NCOA7: variants seen among roughly 807,000 people sequenced by gnomAD.
NCOA7 encodes the protein 140 kDa estrogen receptor-associated protein.
NCOA7 carries 45 observed loss-of-function variants against 104.3 expected under a neutral mutation model. The observed-to-expected ratio is 0.43, with a 90% CI of 0.34 to 0.55. The LOEUF (loss-of-function observed/expected upper bound fraction) is 0.55. NCOA7 is among the 20% of genes least tolerant of loss of function. The probability of loss-of-function intolerance (pLI) is 0.02; values close to 1 mark genes in which losing one functional copy is unlikely to be tolerated. For missense variants in NCOA7, 1,041 were observed against 1,119.7 expected, an observed-to-expected ratio of 0.93 and a Z score of 1.00; for synonymous variants, 398 against 402.3, an observed-to-expected ratio of 0.99 and a Z score of 0.13.
intron 1 of NCOA7, among the ~76,000 whole-genome samples, chr6:125,806,208 G>A (rs1006690907): frequency 1.3e-5 from 2 of 152,130 alleles, no homozygotes. Flanking sequence ...GGGCATGGTG[G>A]CAGGTGCCTA....
At chr6:125,786,418 A>T (rs114385133), upstream of NCOA7, among the ~76,000 whole-genome samples, 1 of 152,148 alleles carries the variant, frequency 6.6e-6, no homozygotes, top group African/African-American at 2.4e-5. Context: ...TTGAAACTAC[A>T]CTCAAAACTT....
intron 2 of NCOA7, among the ~76,000 whole-genome samples, chr6:125,832,334 G>A (rs567926909): frequency 6.6e-6 from 1 of 152,216 alleles, no homozygotes; most frequent in South Asian, 2.1e-4. Context: ...CATTTTGTGC[G>A]CTAAACCTGC....
intron 2 of NCOA7, among the ~76,000 whole-genome samples, chr6:125,830,642 G>A (rs1314506449): frequency 6.6e-6 from 1 of 151,984 alleles, no homozygotes; most frequent in Non-Finnish European, 1.5e-5. Flanking sequence ...GAGAAGTCAA[G>A]GCTGCAGTGA....
intron 2 of NCOA7, 99 bp downstream of exon 2, chr6:125,815,503 G>A: frequency 1.0e-6 from 1 of 975,568 alleles, no homozygotes; most frequent in East Asian, 2.5e-5. Flanking sequence ...TTTTGTGCTT[G>A]TTCATAAATA....
At chr6:125,837,156 G>T (rs1351034057) in intron 2 of NCOA7, among the ~76,000 whole-genome samples, 3 of 152,194 alleles carry the variant, frequency 2.0e-5, no homozygotes, top group African/African-American at 7.2e-5. Flanking sequence ...AACATGGTCT[G>T]ATTCAAGGTT....
At chr6:125,782,635 G>A (rs1447174843) in intron 1 of NCOA7, among the ~76,000 whole-genome samples, 1 of 152,124 alleles carries the variant, frequency 6.6e-6, no homozygotes, top group Non-Finnish European at 1.5e-5. Context: ...AATAGTGGAG[G>A]ACAATAGTTT....
At chr6:125,840,888 T>G (rs1583345202) in intron 2 of NCOA7, among the ~76,000 whole-genome samples, 2 of 37,896 alleles carry the variant, frequency 5.3e-5, no homozygotes, top group African/African-American at 1.2e-4. Flanking sequence ...TTTTTTTTTT[T>G]TTTTTTTTTT....
rs113747066 is a variant in NCOA7, at chr6:125,865,266, AG to A, written c.272-9622del. 2.2e-4 allele frequency among the ~76,000 whole-genome samples: 30 copies of A among 138,532 alleles called. 9 individuals carry two copies. Among genetic ancestry groups the A allele is most frequent in the Middle Eastern group, 3.7e-3 (1 of 268 alleles). The allele number at this position is 138,532 out of a possible 152,430, so 90.9% of individuals were successfully genotyped here. A position where few individuals can be genotyped will look rare whatever the true frequency, so the allele number is the denominator to read the frequency against. ...GGAGGACCTTCTCCATGCTGAGTGC[AG>A]TAGTAGATTCTAGAGCAAAACGTTT... is the stretch of plus-strand genomic sequence containing the variant. On this transcript the variant is annotated intron_variant, in intron 3 of 15. Transcript: ENST00000392477.
chr6:125,796,399 G>T (rs905944609), intron 1 of NCOA7, among the ~76,000 whole-genome samples: 6 of 127,308 alleles, frequency 4.7e-5, no homozygotes, highest in African/African-American at 6.2e-5. Flanking sequence ...GTTCCAGGTA[G>T]TGGGTTCCAG....
At chr6:125,897,686 A>G (rs1012277830) in intron 10 of NCOA7, among the ~76,000 whole-genome samples, 1 of 148,186 alleles carries the variant, frequency 6.7e-6, no homozygotes, top group Admixed American at 6.7e-5. Flanking sequence ...CCCTTTTCAC[A>G]TTTTTTTTTT....
In NCOA7 at chr6:125,895,006, G is replaced by C. The variant is rs56036820; in HGVS notation, c.2096+4196G>C. 1.7e-3 allele frequency among the ~76,000 whole-genome samples: 257 copies of C among 152,108 alleles called. 6 individuals carry two copies. In the South Asian group the frequency reaches 0.053, roughly 31 times the overall value. Reference sequence around the variant, plus strand: ...ACACTTTGTAGAGATATAATATTCCGTGAATTTGGATACTGTTTTATATTT... The same window carrying C: ...ACACTTTGTAGAGATATAATATTCCCTGAATTTGGATACTGTTTTATATTT... On this transcript the variant is annotated intron_variant, in intron 10 of 15. Transcript: ENST00000392477.
At chr6:125,785,085 C>A (rs1291522645) in intron 1 of NCOA7, among the ~76,000 whole-genome samples, 3 of 152,160 alleles carry the variant, frequency 2.0e-5, no homozygotes, top group Admixed American at 6.5e-5. Flanking sequence ...CGCCTGTAAT[C>A]CCAGCACTTT....
chr6:125,842,473 A>G (rs151220941), intron 2 of NCOA7, among the ~76,000 whole-genome samples: 66 of 152,344 alleles, frequency 4.3e-4, no homozygotes, highest in African/African-American at 1.5e-3. Flanking sequence ...GCTGCTTTCT[A>G]TAAGATTCAT....
At chr6:125,802,255 A>AAC (rs1775966532) in intron 1 of NCOA7, 1 of 152,116 alleles carries the variant, frequency 6.6e-6, no homozygotes, top group African/African-American at 2.4e-5. Flanking sequence ...AATGTTGCAT[A>AAC]ATTGTCTCCA....
intron 1 of NCOA7, among the ~76,000 whole-genome samples, chr6:125,796,414 C>T (rs1319222545): frequency 1.4e-5 from 2 of 142,270 alleles, no homozygotes; most frequent in Non-Finnish European, 3.0e-5. Flanking sequence ...TTCCAGGACC[C>T]CTGCAGATAC....
intron 10 of NCOA7, chr6:125,913,684 A>G: frequency 5.1e-6 from 5 of 981,760 alleles, no homozygotes; most frequent in Non-Finnish European, 6.0e-6. Flanking sequence ...TTTAAAGTAT[A>G]AGAAAATTGG....
intron 1 of NCOA7, among the ~76,000 whole-genome samples, chr6:125,782,946 T>A (rs1774292120): frequency 6.6e-6 from 1 of 152,014 alleles, no homozygotes; most frequent in African/African-American, 2.4e-5. Flanking sequence ...TTCTTATGAG[T>A]GAAAGAGGCG....
chr6:125,927,676 A>G lies in NCOA7; in HGVS notation c.2537A>G (p.Tyr846Cys). 1 of 1,613,986 alleles carries G rather than the reference A, an allele frequency of 6.2e-7. No homozygotes were observed. Among genetic ancestry groups the G allele is most frequent in the Non-Finnish European group, 8.5e-7 (1 of 1,179,838 alleles). Reference protein sequence around the residue: ...KDMDNQIFGAYATHPFKFSDH... With the variant: ...KDMDNQIFGACATHPFKFSDH... The stretch of plus-strand genomic sequence containing the variant: ...TTCTTTTGACAGATTTTTGGAGCAT[A>G]TGCAACTCATCCTTTCAAGTTCAGT... Residue 846 changes from tyrosine to cysteine, a missense_variant, in exon 14 of 16, where the codon TAT becomes TGT. This residue lies in a region of NCOA7 where 127 missense variants were observed against 177.0 expected (regional missense o/e 0.72). Transcript: ENST00000392477.
chr6:125,912,696 G>A (rs1269259298), intron 10 of NCOA7, among the ~76,000 whole-genome samples: 1 of 152,172 alleles, frequency 6.6e-6, no homozygotes, highest in African/African-American at 2.4e-5. Flanking sequence ...ATAGGAATAG[G>A]AGCCTAGGAG....
Sources: gnomAD v4.1 joint callset for allele counts (sites outside exome capture counted in the v4.1 genomes callset) on GRCh38, gnomAD v4.1.1 for gene constraint, gnomAD v4.1.1 regional missense constraint, MANE v1.5 for transcripts, NCBI Gene and HGNC (gene_info 2026-07-23, HGNC 2026-07-21) for gene names.